Variants in FRMPD1 observed in about 807,000 individuals in gnomAD.
The protein encoded by FRMPD1 is FERM and PDZ domain-containing protein 1.
In FRMPD1, 76 loss-of-function variants were observed where a neutral mutation model predicts 117.8. That is an observed-to-expected ratio of 0.65 (90% CI 0.54 to 0.78). The LOEUF is 0.78. Ranked by LOEUF, FRMPD1 falls within the 30% of genes least tolerant of loss-of-function variation. The pLI is 0.00. For synonymous variants in FRMPD1, 783 were observed against 770.4 expected, an observed-to-expected ratio of 1.02 and a Z score of -0.27; for missense variants, 1,786 against 1,964.5, an observed-to-expected ratio of 0.91 and a Z score of 1.72.
chr9:37,733,345 AGGAGAAAGT>A lies in FRMPD1; in HGVS notation c.996-125_996-117del, dbSNP rs993053861. 57 of 839,452 alleles carry A rather than the reference AGGAGAAAGT, an allele frequency of 6.8e-5. No individual in the cohort carries two copies. In the African/African-American group the frequency reaches 9.4e-4, roughly 14 times the overall value. The allele number at this position is 839,452 out of a possible 1,614,324, so 52.0% of individuals were successfully genotyped here. The stretch of plus-strand genomic sequence containing the variant: ...TGTGTGTGAGAAAGAAAAAGAGAGG[AGGAGAAAGT>A]GGCTCGTAATTGCTGTATTATGGGA... On this transcript the variant is annotated intron_variant, in intron 10 of 15. Transcript: ENST00000377765.
chr9:37,638,458 G>A, the FRMPD1 span, among the ~76,000 whole-genome samples: 2 of 152,184 alleles, frequency 1.3e-5, no homozygotes, highest in African/African-American at 2.4e-5. Context: ...ATGCCAGGGA[G>A]GTGGCTGCCC....
chr9:37,710,468 A>C (rs764872332), intron 4 of FRMPD1, among the ~76,000 whole-genome samples: 14 of 152,190 alleles, frequency 9.2e-5, no homozygotes, highest in Non-Finnish European at 1.5e-4. Flanking sequence ...AATCTAAGAG[A>C]TAATGCAAGA....
the FRMPD1 span, among the ~76,000 whole-genome samples, chr9:37,609,608 G>A: frequency 2.6e-5 from 4 of 152,098 alleles, no homozygotes; most frequent in South Asian, 2.1e-4. Context: ...TCTTTCACCC[G>A]GATGATTGCA....
intron 7 of FRMPD1, among the ~76,000 whole-genome samples, chr9:37,727,484 AC>A (rs1823663104): frequency 2.0e-5 from 3 of 152,226 alleles, no homozygotes; most frequent in Middle Eastern, 3.4e-3. Flanking sequence ...AAGTTGGAGA[AC>A]AGATGGGTGG....
chr9:37,617,129 C>T, the FRMPD1 span, among the ~76,000 whole-genome samples: 66 of 152,324 alleles, frequency 4.3e-4, no homozygotes, highest in East Asian at 4.0e-3. Context: ...GAAACTGTAA[C>T]CTTTAGAGGT....
At chr9:37,719,441 A>G (rs1405368657) in intron 6 of FRMPD1, among the ~76,000 whole-genome samples, 4 of 152,218 alleles carry the variant, frequency 2.6e-5, no homozygotes, top group Non-Finnish European at 5.9e-5. Context: ...TCTTCTGCCC[A>G]TGAAATTTCG....
chr9:37,663,815 T>C (rs1821071603), intron 1 of FRMPD1, among the ~76,000 whole-genome samples: 1 of 152,236 alleles, frequency 6.6e-6, no homozygotes. Flanking sequence ...ATACTTCAGA[T>C]TATCTCCAGG....
At chr9:37,713,229 A>C (rs559509408) in intron 5 of FRMPD1, among the ~76,000 whole-genome samples, 4 of 152,238 alleles carry the variant, frequency 2.6e-5, no homozygotes, top group Non-Finnish European at 5.9e-5. Context: ...ACAAAGCTAC[A>C]ATTATTAAAA....
chr9:37,654,130 A>G (rs1820770341), intron 1 of FRMPD1, among the ~76,000 whole-genome samples: 1 of 152,238 alleles, frequency 6.6e-6, no homozygotes, highest in Non-Finnish European at 1.5e-5. Context: ...ATACATCGGA[A>G]CAAAAGGCAA....
chr9:37,645,145 A>G, the FRMPD1 span, among the ~76,000 whole-genome samples: 1 of 152,162 alleles, frequency 6.6e-6, no homozygotes, highest in South Asian at 2.1e-4. Context: ...AAAGAGATAA[A>G]AAGGCAGGAG....
chr9:37,718,539 C>A (rs540315899), intron 5 of FRMPD1, among the ~76,000 whole-genome samples: 8 of 152,150 alleles, frequency 5.3e-5, no homozygotes, highest in Non-Finnish European at 1.0e-4. Flanking sequence ...AAAGAAGGTA[C>A]CTTCCAAAAG....
At chr9:37,728,634 C>G (rs1400569865) in intron 7 of FRMPD1, among the ~76,000 whole-genome samples, 4 of 152,094 alleles carry the variant, frequency 2.6e-5, no homozygotes, top group Non-Finnish European at 5.9e-5. Flanking sequence ...TTATTGTCCT[C>G]TATTTGGAGA....
chr9:37,663,589 C>G (rs1821063440), intron 1 of FRMPD1, among the ~76,000 whole-genome samples: 2 of 152,202 alleles, frequency 1.3e-5, no homozygotes, highest in South Asian at 4.1e-4. Flanking sequence ...AGTAAAACTC[C>G]TAGTTATCTT....
the FRMPD1 span, among the ~76,000 whole-genome samples, chr9:37,614,700 C>G: frequency 1.3e-5 from 2 of 152,170 alleles, no homozygotes; most frequent in African/African-American, 4.8e-5. Context: ...AGCTTATTTA[C>G]AAGGAAAACT....
At chr9:37,636,161 G>A in the FRMPD1 span, among the ~76,000 whole-genome samples, 1 of 152,176 alleles carries the variant, frequency 6.6e-6, no homozygotes, top group East Asian at 1.9e-4. Flanking sequence ...GAGGCAGTGG[G>A]GAGAGGAAAG....
chr9:37,627,475 T>G, the FRMPD1 span, among the ~76,000 whole-genome samples: 1 of 152,188 alleles, frequency 6.6e-6, no homozygotes, highest in Non-Finnish European at 1.5e-5. Flanking sequence ...TTATTTTACT[T>G]TATTTATTTT....
intron 5 of FRMPD1, 71 bp downstream of exon 5, chr9:37,711,466 A>G (rs1822909337): frequency 6.9e-6 from 8 of 1,153,974 alleles, no homozygotes; most frequent in Non-Finnish European, 1.1e-5. Context: ...CCCCCAGAGG[A>G]TATCCCTCAT....
In FRMPD1 at chr9:37,746,137, C is replaced by T. The variant is rs761534220; in HGVS notation, c.4105C>T (p.Pro1369Ser). ...ACACCCCATGGCCCCCCTCACCTCA[C>T]CGCCCTCTGCGGGAAGCCCGGTGGT... The part of the protein sequence containing the change: ...EAHPMAPLTS[P>S]PSAGSPVVLP... The change falls in exon 16 of 16, where the codon CCG (proline) becomes TCG (serine). Residue 1369 changes from proline (P) to serine (S), a missense_variant. Pro to Ser is a moderately conservative substitution (Grantham distance 74). Coordinates refer to ENST00000377765, the MANE Select transcript of FRMPD1 (RefSeq NM_014907.3). 6 of 1,614,056 alleles carry T rather than the reference C, an allele frequency of 3.7e-6. No homozygotes were observed. Among genetic ancestry groups the T allele is most frequent in the South Asian group, 1.1e-5 (1 of 91,086 alleles).
intron 8 of FRMPD1, 50 bp from the exon 9 acceptor site, chr9:37,730,934 A>G (rs1823848168): frequency 6.2e-7 from 1 of 1,603,830 alleles, no homozygotes; most frequent in Non-Finnish European, 8.5e-7. Flanking sequence ...GAATGACTGC[A>G]AGGACAAAGG....
Sources: allele counts gnomAD v4.1 joint callset (sites outside exome capture counted in the v4.1 genomes callset), GRCh38; gene constraint gnomAD v4.1.1; transcripts MANE v1.5; gene names NCBI Gene and HGNC (gene_info 2026-07-23, HGNC 2026-07-21).